ATXN3: variants seen among roughly 807,000 people sequenced by gnomAD.
The protein encoded by ATXN3 is ataxin-3.
A neutral mutation model predicts 58.2 loss-of-function variants in ATXN3; 28 were observed. The ratio of observed to expected loss-of-function variants is 0.48; its 90% confidence interval spans 0.36 to 0.66. The LOEUF is 0.66. ATXN3 is among the 30% of genes least tolerant of loss of function. The pLI is 0.00. For missense variants in ATXN3, 321 were observed against 422.1 expected (o/e 0.76, Z 2.10); for synonymous variants, 113 against 138.5 (o/e 0.82, Z 1.29).
intron 6 of ATXN3, chr14:92,083,594 A>G: frequency 1.0e-5 from 4 of 398,332 alleles, no homozygotes; most frequent in South Asian, 8.1e-5. Context: ...AGTGGGTAAC[A>G]GCAACTGATT....
At chr14:92,080,020 A>G (rs1405232876) in intron 9 of ATXN3, among the ~76,000 whole-genome samples, 22 of 152,064 alleles carry the variant, frequency 1.4e-4, no homozygotes, top group Admixed American at 1.4e-3. Context: ...TTACAGACGT[A>G]AGCCACCGTG....
chr14:92,086,279 G>A (rs970533066), intron 6 of ATXN3, among the ~76,000 whole-genome samples: 7 of 125,206 alleles, frequency 5.6e-5, no homozygotes, highest in South Asian at 2.8e-4. Flanking sequence ...AAATTTAGCC[G>A]GGGCCAGGCG....
intron 3 of ATXN3, among the ~76,000 whole-genome samples, chr14:92,095,330 G>A (rs913471710): frequency 9.9e-5 from 15 of 151,930 alleles, no homozygotes; most frequent in Non-Finnish European, 2.2e-4. Flanking sequence ...TGCAACCTAC[G>A]ACTCCCTGGT....
chr14:92,069,466 C>T (rs1486153873), intron 10 of ATXN3, among the ~76,000 whole-genome samples: 5 of 151,462 alleles, frequency 3.3e-5, no homozygotes, highest in East Asian at 1.9e-4. Context: ...CTCTGCCTCC[C>T]GGGTTCACGT....
chr14:92,084,244 C>T (rs933461745), intron 6 of ATXN3, among the ~76,000 whole-genome samples: 5 of 152,192 alleles, frequency 3.3e-5, no homozygotes, highest in African/African-American at 1.2e-4. Flanking sequence ...TACACTTACT[C>T]ACAGGGCTGC....
Position 92,060,633 on chromosome 14 carries a change from T to A in ATXN3, c.*3687A>T, listed in dbSNP as rs1190849188. On this transcript the variant is annotated 3_prime_UTR_variant, in exon 11 of 11. Transcript: ENST00000644486. ...CAAGATTTATTTTTCTACTTAAGAT[T>A]TTAAAATTATCATATTTTGATTATG... 1 of 152,182 alleles carries A rather than the reference T, an allele frequency of 6.6e-6. No individual in the cohort carries two copies. Among genetic ancestry groups the A allele is most frequent in the East Asian group, 1.9e-4 (1 of 5,194 alleles). The allele number at this position is 152,182 out of a possible 1,614,324, so 9.4% of individuals were successfully genotyped here. A position where few individuals can be genotyped will look rare whatever the true frequency, so the allele number is the denominator to read the frequency against.
chr14:92,074,320 C>T (rs532498095), intron 9 of ATXN3, among the ~76,000 whole-genome samples: 8 of 152,188 alleles, frequency 5.3e-5, no homozygotes, highest in South Asian at 2.1e-4. Context: ...GACAAGACTC[C>T]GTCTCAAAAA....
At chr14:92,045,820 GT>G (rs1238811942) in intron 2 of ATXN3, among the ~76,000 whole-genome samples, 3 of 152,184 alleles carry the variant, frequency 2.0e-5, no homozygotes, top group Non-Finnish European at 4.4e-5. Context: ...ATAGGTGGAA[GT>G]TTCAGTCGGT....
chr14:92,099,526 T>A (rs2066233882), intron 1 of ATXN3, among the ~76,000 whole-genome samples: 2 of 152,220 alleles, frequency 1.3e-5, no homozygotes, highest in Non-Finnish European at 2.9e-5. Context: ...TCTTACTGAA[T>A]AATATGCAAA....
exon 1 of ATXN3, chr14:92,049,707 C>G (rs1350818287): frequency 1.2e-5 from 2 of 160,360 alleles, no homozygotes; most frequent in Non-Finnish European, 2.7e-5. Flanking sequence ...GGACCCGTCT[C>G]CTGAAGGAGT....
In ATXN3 at chr14:92,059,134, T is replaced by C. The variant is rs1321633694; in HGVS notation, c.*5186A>G. ...TATTAAACATGCCAATTACGACAAA[T>C]TTAGAAGTTACGTTATTAGCACTAA... On this transcript the variant is annotated 3_prime_UTR_variant, in exon 11 of 11. Coordinates refer to ENST00000644486, the MANE Select transcript of ATXN3 (RefSeq NM_004993.6). 6.6e-6 allele frequency: 1 copy of C among 152,094 alleles called. No homozygotes were observed. The allele number at this position is 152,094 out of a possible 1,614,324, so 9.4% of individuals were successfully genotyped here.
chr14:92,083,300 G>C (rs763713753), intron 6 of ATXN3, 42 bp from the exon 7 acceptor site: 1 of 1,555,494 alleles, frequency 6.4e-7, no homozygotes, highest in Non-Finnish European at 8.7e-7. Flanking sequence ...AGTTAGTAAA[G>C]AGATTCAAAA....
intron 1 of ATXN3, among the ~76,000 whole-genome samples, chr14:92,106,032 G>C (rs375141956): frequency 6.6e-6 from 1 of 152,106 alleles, no homozygotes; most frequent in Non-Finnish European, 1.5e-5. Flanking sequence ...GGAAAGACAC[G>C]AACAAGACCC....
intron 1 of ATXN3, among the ~76,000 whole-genome samples, chr14:92,098,327 C>A (rs1007958587): frequency 6.6e-6 from 1 of 152,108 alleles, no homozygotes; most frequent in African/African-American, 2.4e-5. Context: ...GTGGCTCACA[C>A]CTGTAATCCC....
chr14:92,104,066 T>C (rs552321597), intron 1 of ATXN3, among the ~76,000 whole-genome samples: 4 of 152,312 alleles, frequency 2.6e-5, no homozygotes, highest in East Asian at 3.9e-4. Context: ...TAGATACAAG[T>C]TGATGATAAT....
intron 7 of ATXN3, among the ~76,000 whole-genome samples, chr14:92,082,888 A>C (rs192630562): frequency 6.6e-6 from 1 of 152,176 alleles, no homozygotes; most frequent in East Asian, 1.9e-4. Context: ...GGGTTGAAGC[A>C]ATCAGCCTGC....
chr14:92,052,078 C>G (rs1174269395), upstream of ATXN3, among the ~76,000 whole-genome samples: 8 of 152,094 alleles, frequency 5.3e-5, no homozygotes, highest in African/African-American at 1.9e-4. Context: ...ACCCCCACCT[C>G]TCAGGATACT....
In ATXN3 at chr14:92,062,344, T is replaced by C. The variant is rs2057837638; in HGVS notation, c.*1976A>G. 1 of 152,216 alleles carries C rather than the reference T, an allele frequency of 6.6e-6. No individual in the cohort carries two copies. The highest frequency in any genetic ancestry group is 1.5e-5 in the Non-Finnish European group (1 of 68,040). 9.4% of individuals were successfully genotyped at this position (152,216 alleles called of 1,614,324 possible). ...TCTTAAGTGCTTTAACTAGGGTATA[T>C]ATGAACTTTATAAACTCTAAAGTTA... is the stretch of plus-strand genomic sequence containing the variant. On this transcript the variant is annotated 3_prime_UTR_variant, in exon 11 of 11. Coordinates refer to ENST00000644486, the MANE Select transcript of ATXN3 (RefSeq NM_004993.6).
chr14:92,057,949 ATCCT>A (rs1160060379), downstream of ATXN3, among the ~76,000 whole-genome samples: 7 of 152,140 alleles, frequency 4.6e-5, no homozygotes, highest in East Asian at 1.2e-3. Context: ...GGGTCAAGTG[ATCCT>A]TCCACCTCGG....
Sources: allele counts gnomAD v4.1 joint callset (sites outside exome capture counted in the v4.1 genomes callset), GRCh38; gene constraint gnomAD v4.1.1; transcripts MANE v1.5; gene names NCBI Gene and HGNC (gene_info 2026-07-23, HGNC 2026-07-21).